LARGE1: variants seen among roughly 807,000 people sequenced by gnomAD.
The protein encoded by LARGE1 is LARGE xylosyl- and glucuronyltransferase 1.
In LARGE1, 43 loss-of-function variants were observed where a neutral mutation model predicts 87.6. That is an observed-to-expected ratio of 0.49 (90% CI 0.38 to 0.63). LARGE1 has a LOEUF of 0.63. Among genes scored for constraint, LARGE1 ranks in the 30% least tolerant of loss-of-function variants. LARGE1 has a pLI of 0.00. For synonymous variants in LARGE1, 434 were observed against 394.6 expected (o/e 1.10, Z -1.18); for missense variants, 802 against 1,000.2 (o/e 0.80, Z 2.67).
At chr22:33,430,409 T>C (rs2067037769) in intron 7 of LARGE1, among the ~76,000 whole-genome samples, 1 of 152,158 alleles carries the variant, frequency 6.6e-6, no homozygotes, top group African/African-American at 2.4e-5. Context: ...TGCCCTCAGC[T>C]GCCTTTCCCC....
intron 6 of LARGE1, among the ~76,000 whole-genome samples, chr22:33,438,249 T>C (rs2067343964): frequency 1.3e-5 from 2 of 152,190 alleles, no homozygotes; most frequent in South Asian, 2.1e-4. Flanking sequence ...AGGGGATTCC[T>C]TGGGGGAGAT....
chr22:33,227,018 A>G (rs1181621192), intron 11 of LARGE1, among the ~76,000 whole-genome samples: 1 of 152,230 alleles, frequency 6.6e-6, no homozygotes, highest in African/African-American at 2.4e-5. Context: ...AAGCATATGC[A>G]TTTGAAACTC....
chr22:33,109,883 A>C, the LARGE1 span, among the ~76,000 whole-genome samples: 2 of 152,238 alleles, frequency 1.3e-5, no homozygotes, highest in East Asian at 1.9e-4. Flanking sequence ...TTCTGCCATA[A>C]TTGTAAGATT....
At chr22:33,653,773 G>C (rs1166969499) in intron 2 of LARGE1, among the ~76,000 whole-genome samples, 2 of 152,160 alleles carry the variant, frequency 1.3e-5, no homozygotes, top group Non-Finnish European at 2.9e-5. Flanking sequence ...TGTATTTTCA[G>C]AACACAGAGT....
At chr22:33,834,761 A>G (rs905578596) in intron 1 of LARGE1, among the ~76,000 whole-genome samples, 2 of 152,244 alleles carry the variant, frequency 1.3e-5, no homozygotes, top group African/African-American at 4.8e-5. Context: ...AGTTTTTACT[A>G]TAAACATTTA....
chr22:33,217,554 T>C (rs536359474), intron 11 of LARGE1, among the ~76,000 whole-genome samples: 1 of 152,306 alleles, frequency 6.6e-6, no homozygotes, highest in South Asian at 2.1e-4. Flanking sequence ...TTCACTATAT[T>C]ATTATATTGC....
intron 6 of LARGE1, among the ~76,000 whole-genome samples, chr22:33,508,492 ACTCT>A (rs1338322465): frequency 2.6e-5 from 4 of 152,210 alleles, no homozygotes; most frequent in African/African-American, 7.2e-5. Flanking sequence ...TACATATTTG[ACTCT>A]CTATGTGAAA....
At position 33,588,361 on chromosome 22, in the gene LARGE1, C is replaced by T. The variant is rs189384156; in HGVS notation, c.615+16074G>A. 9.2e-5 allele frequency among the ~76,000 whole-genome samples: 14 copies of T among 152,198 alleles called. 1 individual carries two copies. In the East Asian group the frequency reaches 2.7e-3, roughly 29 times the overall value. On this transcript the variant is annotated intron_variant, in intron 5 of 14. Coordinates refer to ENST00000397394, the MANE Select transcript of LARGE1 (RefSeq NM_133642.5). ...CCCAAATTTGAACAGAATGCCAGGC[C>T]CAGAACACTTTCCTTGAGATGCTAA... is the stretch of plus-strand genomic sequence containing the variant.
At chr22:33,233,626 G>T (rs992248715) in intron 11 of LARGE1, among the ~76,000 whole-genome samples, 1 of 152,108 alleles carries the variant, frequency 6.6e-6, no homozygotes, top group Non-Finnish European at 1.5e-5. Context: ...ACAAGGGATG[G>T]GGGAGAGGGA....
At chr22:33,288,107 G>A (rs1373273618) in intron 12 of LARGE1, among the ~76,000 whole-genome samples, 1 of 152,202 alleles carries the variant, frequency 6.6e-6, no homozygotes, top group African/African-American at 2.4e-5. Context: ...AGATGGCCCA[G>A]GCTATGGCGC....
chr22:33,520,734 G>C (rs1300867845), intron 6 of LARGE1, among the ~76,000 whole-genome samples: 1 of 152,180 alleles, frequency 6.6e-6, no homozygotes, highest in African/African-American at 2.4e-5. Flanking sequence ...AAATTCATGG[G>C]ATTCCGTGCA....
Position 33,239,049 on chromosome 22 carries a change from C to G in LARGE1, c.1730+65180G>C, listed in dbSNP as rs549201449. 5.3e-5 allele frequency among the ~76,000 whole-genome samples: 8 copies of G among 151,320 alleles called. No individual in the cohort carries two copies. The East Asian group carries it at 9.7e-4, about 18-fold the overall frequency. On this transcript the variant is annotated intron_variant, in intron 11 of 11. Coordinates refer to the LARGE1 transcript ENST00000608642. ...TCTTCAAAAAACAAATAAATTAAAA[C>G]TTTGGCAAGATTAATCGCAAAAAGG...
intron 11 of LARGE1, among the ~76,000 whole-genome samples, chr22:33,200,066 C>T (rs1316957506): frequency 6.6e-6 from 1 of 152,036 alleles, no homozygotes; most frequent in African/African-American, 2.4e-5. Context: ...CCAGGCTGAT[C>T]TTGAACTCCT....
At chr22:33,274,714 A>G in intron 14 of LARGE1, 90 bp from the exon 15 acceptor site, 1 of 1,156,498 alleles carries the variant, frequency 8.6e-7, no homozygotes, top group Non-Finnish European at 1.3e-6. Context: ...TGGCTAGTGA[A>G]TGAATGACTT....
intron 11 of LARGE1, among the ~76,000 whole-genome samples, chr22:33,201,096 G>C (rs984557904): frequency 6.6e-6 from 1 of 152,092 alleles, no homozygotes; most frequent in African/African-American, 2.4e-5. Context: ...ATCACTTGAG[G>C]TCAGGAGTTC....
intron 5 of LARGE1, among the ~76,000 whole-genome samples, chr22:33,571,549 GTT>G (rs1276793946): frequency 6.6e-6 from 1 of 152,050 alleles, no homozygotes; most frequent in African/African-American, 2.4e-5. Context: ...AAAGAGACTG[GTT>G]TTGTCAGGAA....
At chr22:33,848,027 A>T (rs897418330) in intron 1 of LARGE1, among the ~76,000 whole-genome samples, 2 of 152,166 alleles carry the variant, frequency 1.3e-5, no homozygotes, top group African/African-American at 4.8e-5. Flanking sequence ...GATCAATGTC[A>T]CCATTTTGCT....
chr22:33,922,075 C>A (rs1251240434), upstream of LARGE1, among the ~76,000 whole-genome samples: 1 of 152,126 alleles, frequency 6.6e-6, no homozygotes, highest in Non-Finnish European at 1.5e-5. Context: ...GTCTCCACCT[C>A]TCCCCAGCCG....
At chr22:33,276,999 G>A in intron 14 of LARGE1, 61 bp downstream of exon 14, 2 of 1,501,942 alleles carry the variant, frequency 1.3e-6, no homozygotes, top group Admixed American at 3.3e-5. Context: ...GATCCCTTAA[G>A]CTCTAGGATC....
Sources: allele counts gnomAD v4.1 joint callset (sites outside exome capture counted in the v4.1 genomes callset), GRCh38; gene constraint gnomAD v4.1.1; transcripts MANE v1.5; gene names NCBI Gene and HGNC (gene_info 2026-07-23, HGNC 2026-07-21).